LONP2: variants seen among roughly 807,000 people sequenced by gnomAD.
The protein encoded by LONP2 is lon peptidase 2, peroxisomal, also known as lon protease homolog 2, peroxisomal.
LONP2 carries 60 observed loss-of-function variants against 85.6 expected under a neutral mutation model. The observed-to-expected ratio is 0.70, with a 90% confidence interval of 0.57 to 0.87. LONP2 has a LOEUF of 0.87. Among genes scored for constraint, LONP2 ranks in the 40% least tolerant of loss-of-function variants. LONP2 has a pLI of 0.00. For missense variants in LONP2, 860 were observed against 1,063.5 expected (o/e 0.81, Z 2.66); for synonymous variants, 395 against 389.7 (o/e 1.01, Z -0.16).
chr16:48,361,407 TTAGTGTTAC>T (rs1960588368), downstream of LONP2: 1 of 610,266 alleles, frequency 1.6e-6, no homozygotes, highest in Admixed American at 3.0e-5. Context: ...TTTAAATATA[TTAGTGTTAC>T]TACATGCAAC....
chr16:48,261,397 G>T, intron 4 of LONP2, 27 bp from the exon 5 acceptor site: 1 of 1,532,352 alleles, frequency 6.5e-7, no homozygotes, highest in Non-Finnish European at 8.8e-7. Flanking sequence ...TTGACATACG[G>T]TTTTACTTTT....
intron 6 of LONP2, among the ~76,000 whole-genome samples, 157 bp downstream of exon 6, chr16:48,263,029 C>T (rs1822708024): frequency 6.6e-6 from 1 of 152,066 alleles, no homozygotes; most frequent in Non-Finnish European, 1.5e-5. Context: ...GATTGTCGTA[C>T]AAAAAGCTGT....
intron 8 of LONP2, among the ~76,000 whole-genome samples, chr16:48,285,908 G>A (rs1972429721): frequency 6.6e-6 from 1 of 152,078 alleles, no homozygotes; most frequent in African/African-American, 2.4e-5. Flanking sequence ...TCTTGTTAAA[G>A]TGAAGGTGTA....
In LONP2 at chr16:48,296,157, A is replaced by G; in HGVS notation, c.1526A>G (p.Gln509Arg). The stretch of plus-strand genomic sequence containing the variant: ...TTGTTGGACAGAATGGAGATCATTC[A>G]GGTTCCAGGTACCTGACTCTTAAAT... ...AALLDRMEII[Q>R]VPGYTQEEKI... The change falls in exon 9 of 15, where the codon CAG becomes CGG. Residue 509 changes from glutamine (Q) to arginine (R), a missense_variant. Transcript: ENST00000285737. The G allele has an allele frequency of 6.2e-7, 1 of 1,613,974 alleles. No homozygotes were observed. The highest frequency in any genetic ancestry group is 8.5e-7 in the Non-Finnish European group (1 of 1,179,984).
At chr16:48,302,463 A>G (rs1894404999) in intron 10 of LONP2, among the ~76,000 whole-genome samples, 2 of 152,218 alleles carry the variant, frequency 1.3e-5, no homozygotes, top group Non-Finnish European at 2.9e-5. Context: ...CTGTCCATTC[A>G]GGTCCATCCA....
rs1268335640 is a variant in LONP2 at position 48,356,600 on chromosome 16, T to G, written c.*4798T>G. ...AACACTAATGCTCATTTTTTTTGTT[T>G]GTTTTACAAACATTTGGTGGATACC... On this transcript the variant is annotated 3_prime_UTR_variant, in exon 15 of 15. Coordinates refer to ENST00000285737, the MANE Select transcript of LONP2 (RefSeq NM_031490.5). 1 of 266,496 alleles carries G rather than the reference T, an allele frequency of 3.8e-6. No individual in the cohort carries two copies. The highest frequency in any genetic ancestry group is 4.6e-5 in the Admixed American group (1 of 21,716). 16.5% of individuals were successfully genotyped at this position (266,496 alleles called of 1,614,324 possible).
chr16:48,347,398 G>GT (rs1959998837), intron 12 of LONP2, 109 bp from the exon 13 acceptor site: 1 of 979,760 alleles, frequency 1.0e-6, no homozygotes, highest in African/African-American at 1.6e-5. Flanking sequence ...GGACTTTGAG[G>GT]TAAGTGGCTG....
chr16:48,337,538 T>A (rs1479366305), intron 12 of LONP2, among the ~76,000 whole-genome samples: 2 of 152,168 alleles, frequency 1.3e-5, no homozygotes, highest in East Asian at 1.9e-4. Context: ...ATGCCAGAAA[T>A]GAGATTTGGT....
chr16:48,292,694 A>T (rs1026934258), intron 8 of LONP2, among the ~76,000 whole-genome samples: 2 of 152,246 alleles, frequency 1.3e-5, no homozygotes, highest in African/African-American at 2.4e-5. Flanking sequence ...TCAGCTGTTA[A>T]CAAACTTTAA....
At chr16:48,246,133 C>G (rs1971370653) in intron 1 of LONP2, among the ~76,000 whole-genome samples, 1 of 151,942 alleles carries the variant, frequency 6.6e-6, no homozygotes, top group Non-Finnish European at 1.5e-5. Flanking sequence ...TAAAAGAAAG[C>G]AAAACAAAGC....
intron 11 of LONP2, among the ~76,000 whole-genome samples, chr16:48,327,891 T>C (rs943387770): frequency 6.6e-6 from 1 of 152,216 alleles, no homozygotes; most frequent in Non-Finnish European, 1.5e-5. Context: ...TATCTTTTTC[T>C]TTTTTTCTTA....
chr16:48,333,770 CCT>C (rs1206467207), intron 11 of LONP2, among the ~76,000 whole-genome samples: 2 of 152,136 alleles, frequency 1.3e-5, no homozygotes, highest in African/African-American at 4.8e-5. Context: ...TGTCACAAGC[CCT>C]GAGTTATGCT....
At chr16:48,252,048 C>A in intron 1 of LONP2, 83 bp from the exon 2 acceptor site, 1 of 1,052,486 alleles carries the variant, frequency 9.5e-7, no homozygotes, top group Non-Finnish European at 1.3e-6. Context: ...ATGAATGTAT[C>A]AGAAAAGCCA....
At chr16:48,350,620 T>C (rs1053920202) in intron 14 of LONP2, among the ~76,000 whole-genome samples, 5 of 152,194 alleles carry the variant, frequency 3.3e-5, no homozygotes, top group Non-Finnish European at 7.3e-5. Flanking sequence ...AGCCAGCCAG[T>C]CTTAATTGGA....
chr16:48,308,527 T>C (rs1484031841), intron 11 of LONP2, among the ~76,000 whole-genome samples: 1 of 150,410 alleles, frequency 6.6e-6, no homozygotes. Flanking sequence ...CTCGGGAGGC[T>C]GAGACAGGAG....
chr16:48,288,876 T>G (rs187794731), intron 8 of LONP2, among the ~76,000 whole-genome samples: 3 of 152,284 alleles, frequency 2.0e-5, no homozygotes, highest in Admixed American at 2.0e-4. Context: ...AAAGGACATA[T>G]ATAATAGATA....
intron 11 of LONP2, among the ~76,000 whole-genome samples, chr16:48,315,489 AG>A (rs974425673): frequency 2.0e-5 from 3 of 152,200 alleles, no homozygotes. Context: ...AAGAAAGAGA[AG>A]GGGGCCTGAA....
intron 1 of LONP2, among the ~76,000 whole-genome samples, chr16:48,249,774 A>G (rs1205471509): frequency 1.3e-5 from 2 of 152,240 alleles, no homozygotes; most frequent in African/African-American, 2.4e-5. Context: ...AGTGATTTTA[A>G]GTAAAAAGCA....
intron 11 of LONP2, among the ~76,000 whole-genome samples, chr16:48,322,440 A>G (rs1438597772): frequency 3.9e-5 from 6 of 152,196 alleles, no homozygotes; most frequent in African/African-American, 1.4e-4. Context: ...CCACTTCCAC[A>G]TCTTGGCCCA....
Sources: gnomAD v4.1 joint callset for allele counts (sites outside exome capture counted in the v4.1 genomes callset) on GRCh38, gnomAD v4.1.1 for gene constraint, MANE v1.5 for transcripts, NCBI Gene and HGNC (gene_info 2026-07-23, HGNC 2026-07-21) for gene names.